The following STRN variants were observed in gnomAD, a reference collection of about 807,000 sequenced individuals.
The protein encoded by STRN is protein phosphatase 2 regulatory subunit B'''alpha.
STRN carries 53 observed loss-of-function variants against 96.3 expected under a neutral mutation model. The observed-to-expected ratio is 0.55, with a 90% CI of 0.44 to 0.69. STRN has a LOEUF of 0.69. STRN is among the 30% of genes least tolerant of loss of function. The probability of loss-of-function intolerance (pLI) is 0.00; values close to 1 mark genes in which losing one functional copy is unlikely to be tolerated. For missense variants in STRN, 987 were observed against 963.9 expected (o/e 1.02, Z -0.32); for synonymous variants, 428 against 355.9 (o/e 1.20, Z -2.28).
At chr2:36,962,713 TGGCCAGGAC>T (rs979142774) in intron 1 of STRN, among the ~76,000 whole-genome samples, 7 of 152,154 alleles carry the variant, frequency 4.6e-5, no homozygotes, top group African/African-American at 1.7e-4. Context: ...TTCACCATGT[TGGCCAGGAC>T]GGTCTCGATA....
chr2:36,955,905 T>C lies in STRN; in HGVS notation c.234+10325A>G, dbSNP rs147783235. ...TCATTTATGTTTCATATATACCCTA[T>C]ACACACAGTTTAAACGTAATTTTAC... On this transcript the variant is annotated intron_variant, in intron 1 of 17. Coordinates refer to ENST00000263918, the MANE Select transcript of STRN (RefSeq NM_003162.4). Among the ~76,000 whole-genome samples the C allele has an allele frequency of 1.8e-4, 27 of 152,336 alleles. No homozygotes were observed. In the East Asian group the frequency reaches 4.0e-3, roughly 23 times the overall value.
At position 36,848,610 on chromosome 2, in the gene STRN, G is replaced by C. The variant is rs1175333769; in HGVS notation, c.*846C>G. The C allele has an allele frequency of 6.6e-6, 1 of 152,116 alleles. No individual in the cohort carries two copies. Among genetic ancestry groups the C allele is most frequent in the African/African-American group, 2.4e-5 (1 of 41,422 alleles). 9.4% of individuals were successfully genotyped at this position (152,116 alleles called of 1,614,324 possible). On this transcript the variant is annotated 3_prime_UTR_variant, in exon 18 of 18. Coordinates refer to ENST00000263918, the MANE Select transcript of STRN (RefSeq NM_003162.4). ...ACTATAAATGTCACATGAATAAAGT[G>C]AATTTTAAAATAGAAATTATTAAAG...
intron 1 of STRN, among the ~76,000 whole-genome samples, chr2:36,957,742 G>GTTTTTTTTTTTTTTTTTTTTTT (rs1158709835): frequency 4.8e-5 from 5 of 103,130 alleles, no homozygotes; most frequent in Admixed American, 1.1e-4. Context: ...TCTTCTTTTT[G>GTTTTTTTTTTTTTTTTTTTTTT]TCTTTTTTTT....
chr2:36,861,028 C>T (rs1042666922), intron 13 of STRN, 104 bp downstream of exon 13: 5 of 1,344,556 alleles, frequency 3.7e-6, no homozygotes, highest in East Asian at 2.5e-5. Flanking sequence ...TTCTCTTTAC[C>T]TATTTATTTT....
chr2:36,866,399 G>A (rs1296287480), intron 12 of STRN, among the ~76,000 whole-genome samples: 1 of 152,144 alleles, frequency 6.6e-6, no homozygotes, highest in African/African-American at 2.4e-5. Flanking sequence ...TTTGGTCTGA[G>A]AGTGTGGTTG....
chr2:36,907,071 C>T (rs17020042), intron 3 of STRN, among the ~76,000 whole-genome samples: 3,002 of 152,216 alleles, frequency 0.02, 99 homozygotes, highest in African/African-American at 0.069. Context: ...AAAGAGCTTT[C>T]CCTATGGTAA....
chr2:36,871,573 G>A (rs1668763945), intron 10 of STRN, among the ~76,000 whole-genome samples: 1 of 152,076 alleles, frequency 6.6e-6, no homozygotes, highest in East Asian at 1.9e-4. Flanking sequence ...GACTGTACTG[G>A]TTAAAGACTG....
chr2:36,926,999 G>C (rs1295373014), intron 1 of STRN, among the ~76,000 whole-genome samples: 1 of 152,064 alleles, frequency 6.6e-6, no homozygotes, highest in Non-Finnish European at 1.5e-5. Context: ...TCTTTAAAAT[G>C]ACTTTAATAA....
chr2:36,858,984 T>C (rs764291723), intron 13 of STRN, among the ~76,000 whole-genome samples: 29 of 152,114 alleles, frequency 1.9e-4, no homozygotes, highest in Admixed American at 5.9e-4. Context: ...GAGAACATGA[T>C]TGACAAGAAG....
intron 6 of STRN, among the ~76,000 whole-genome samples, chr2:36,896,942 CG>C (rs1669555612): frequency 6.6e-6 from 1 of 152,020 alleles, no homozygotes; most frequent in Non-Finnish European, 1.5e-5. Context: ...CCAAGGCAGG[CG>C]GATCACCTGA....
chr2:36,962,882 G>C (rs78407517), intron 1 of STRN, among the ~76,000 whole-genome samples: 1 of 152,090 alleles, frequency 6.6e-6, no homozygotes, highest in South Asian at 2.1e-4. Flanking sequence ...AAGTTATATC[G>C]TACTAATAAC....
At chr2:36,910,627 T>C (rs1309851847) in intron 3 of STRN, among the ~76,000 whole-genome samples, 6 of 151,888 alleles carry the variant, frequency 4.0e-5, no homozygotes, top group Admixed American at 3.9e-4. Context: ...TAAAATTGAA[T>C]CCTAAAAAAT....
intron 1 of STRN, 127 bp downstream of exon 1, chr2:36,966,103 G>A: frequency 8.8e-7 from 1 of 1,140,396 alleles, no homozygotes; most frequent in East Asian, 3.2e-5. Context: ...CGGGGCTCCG[G>A]GTGGGATGGG....
intron 13 of STRN, 116 bp downstream of exon 13, chr2:36,861,015 TG>T: frequency 8.3e-7 from 1 of 1,200,516 alleles, no homozygotes; most frequent in Non-Finnish European, 1.1e-6. Context: ...AATAAAGATG[TG>T]GTTCTCTTTA....
At chr2:36,863,489 A>G (rs779194112) in intron 12 of STRN, among the ~76,000 whole-genome samples, 6 of 152,146 alleles carry the variant, frequency 3.9e-5, no homozygotes, top group Non-Finnish European at 7.4e-5. Context: ...ATAAGTGTGC[A>G]GCTTTATTTC....
At chr2:36,941,716 A>ATTTTTTTT (rs34746648) in intron 1 of STRN, among the ~76,000 whole-genome samples, 1 of 134,850 alleles carries the variant, frequency 7.4e-6, no homozygotes, top group Non-Finnish European at 1.6e-5. Flanking sequence ...CACCCAGCTA[A>ATTTTTTTT]TTTTTTTTTT....
At chr2:36,914,150 C>T (rs1670032245) in intron 3 of STRN, among the ~76,000 whole-genome samples, 1 of 152,128 alleles carries the variant, frequency 6.6e-6, no homozygotes, top group Non-Finnish European at 1.5e-5. Flanking sequence ...CCACCATCCC[C>T]AGCTAATTTT....
intron 1 of STRN, among the ~76,000 whole-genome samples, chr2:36,936,655 T>G (rs182956315): frequency 1.2e-4 from 19 of 152,282 alleles, no homozygotes; most frequent in Admixed American, 5.9e-4. Flanking sequence ...AAAACTATAT[T>G]TGAGAAAGAT....
chr2:36,892,758 T>G (rs560407016), intron 7 of STRN, among the ~76,000 whole-genome samples: 10 of 152,210 alleles, frequency 6.6e-5, no homozygotes, highest in Admixed American at 1.3e-4. Flanking sequence ...CAGTGGCTCA[T>G]GCTTGATATC....
Sources: allele counts gnomAD v4.1 joint callset (sites outside exome capture counted in the v4.1 genomes callset), GRCh38; gene constraint gnomAD v4.1.1; transcripts MANE v1.5; gene names NCBI Gene and HGNC (gene_info 2026-07-23, HGNC 2026-07-21).